The following ADARB1 variants were observed in gnomAD, a reference collection of about 807,000 sequenced individuals.
The protein encoded by ADARB1 is adenosine deaminase RNA specific B1.
A neutral mutation model predicts 52.4 loss-of-function variants in ADARB1; 10 were observed. That is an observed-to-expected ratio of 0.19 (90% CI 0.12 to 0.32). ADARB1 has a LOEUF of 0.32. Ranked by LOEUF, ADARB1 falls within the 10% of genes least tolerant of loss-of-function variation. The pLI, the probability that ADARB1 is intolerant of heterozygous loss-of-function variation, is 1.00. For synonymous variants in ADARB1, 349 were observed against 371.1 expected (o/e 0.94, Z 0.68); for missense variants, 643 against 922.3 (o/e 0.70, Z 3.92).
In ADARB1 at chr21:45,176,890, G is replaced by C. The variant is rs1310359082; in HGVS notation, c.963+226G>C. Among the ~76,000 whole-genome samples, 1 of 152,146 alleles carries C rather than the reference G, an allele frequency of 6.6e-6. No homozygotes were observed. The highest frequency in any genetic ancestry group is 1.5e-5 in the Non-Finnish European group (1 of 68,034). On this transcript the variant is annotated intron_variant, in intron 4 of 10. Transcript: ENST00000348831. The surrounding 1 kb of genome is among the most constrained non-coding windows in gnomAD (Gnocchi z 5.8). The stretch of plus-strand genomic sequence containing the variant: ...GCTGGGTCTGTCGCAATGCAAGGCA[G>C]GGACACCTGAGACCCCGTCCACCAG...
intron 1 of ADARB1, among the ~76,000 whole-genome samples, chr21:45,124,795 G>A (rs1221442401): frequency 2.7e-5 from 4 of 150,848 alleles, no homozygotes; most frequent in African/African-American, 9.8e-5. Context: ...GTATGTGTGT[G>A]TGTGTGTGTG....
chr21:45,155,626 G>A (rs383851), intron 2 of ADARB1, among the ~76,000 whole-genome samples: 14 of 142,420 alleles, frequency 9.8e-5, no homozygotes, highest in African/African-American at 3.4e-4. Flanking sequence ...ATCTACCCAT[G>A]CATCCATCAT....
chr21:45,160,277 C>T (rs540188475), intron 2 of ADARB1, among the ~76,000 whole-genome samples: 91 of 152,308 alleles, frequency 6.0e-4, no homozygotes, highest in Non-Finnish European at 1.1e-3. Flanking sequence ...AGAGCTGGAC[C>T]GAAGGAGGTG....
At chr21:45,094,898 A>C (rs2086696134) in intron 1 of ADARB1, among the ~76,000 whole-genome samples, 1 of 152,122 alleles carries the variant, frequency 6.6e-6, no homozygotes, top group Admixed American at 6.5e-5. Flanking sequence ...ACGCTCACTG[A>C]GAGGCGAGGT....
At chr21:45,109,223 G>A (rs1012803597) in intron 1 of ADARB1, among the ~76,000 whole-genome samples, 1 of 147,772 alleles carries the variant, frequency 6.8e-6, no homozygotes, top group Admixed American at 6.7e-5. Context: ...GTGTGTGCGC[G>A]CTTGTGTGTA....
chr21:45,181,511 C>G (rs149124286), intron 5 of ADARB1: 1 of 152,390 alleles, frequency 6.6e-6, no homozygotes, highest in Non-Finnish European at 1.5e-5. Context: ...TAGAATAGTT[C>G]CCTAGGTAAG....
At chr21:45,089,304 GC>G (rs1320299775) in intron 1 of ADARB1, among the ~76,000 whole-genome samples, 1 of 152,154 alleles carries the variant, frequency 6.6e-6, no homozygotes, top group Non-Finnish European at 1.5e-5. Context: ...CTTCCCATAA[GC>G]CTAAAATTTC....
chr21:45,094,598 C>G (rs140040657), intron 1 of ADARB1, among the ~76,000 whole-genome samples: 1 of 152,104 alleles, frequency 6.6e-6, no homozygotes, highest in Non-Finnish European at 1.5e-5. Context: ...TTTCTGCTCT[C>G]AAGGTTTCTA....
At chr21:45,144,619 A>G (rs746226968) in intron 2 of ADARB1, 1 of 450,930 alleles carries the variant, frequency 2.2e-6, no homozygotes, top group South Asian at 1.6e-5. Context: ...TTTCTCTTCA[A>G]TAATCCTAAA....
chr21:45,197,515 A>T (rs2092452390), intron 8 of ADARB1, among the ~76,000 whole-genome samples: 1 of 152,036 alleles, frequency 6.6e-6, no homozygotes, highest in South Asian at 2.1e-4. Context: ...AAAAAAAAAA[A>T]AGTTACAGAT....
chr21:45,143,186 C>G (rs558100766), intron 2 of ADARB1, among the ~76,000 whole-genome samples: 99 of 152,336 alleles, frequency 6.5e-4, no homozygotes, highest in Middle Eastern at 6.8e-3. Context: ...AACCTCCTGG[C>G]ACTGTGCTCC....
At chr21:45,147,995 G>C (rs1040953477) in intron 2 of ADARB1, among the ~76,000 whole-genome samples, 3 of 151,902 alleles carry the variant, frequency 2.0e-5, no homozygotes, top group African/African-American at 7.3e-5. Flanking sequence ...AGGGCCTTGC[G>C]GTACAGCCCT....
At chr21:45,138,924 T>TC (rs1393260835) in intron 2 of ADARB1, among the ~76,000 whole-genome samples, 105 of 142,728 alleles carry the variant, frequency 7.4e-4, no homozygotes, top group Non-Finnish European at 1.3e-3. Context: ...GTTGTCTTCT[T>TC]TTTTTTTTTT....
chr21:45,083,846 G>A (rs2086240080), intron 1 of ADARB1, among the ~76,000 whole-genome samples: 1 of 152,160 alleles, frequency 6.6e-6, no homozygotes, highest in African/African-American at 2.4e-5. Context: ...GGCTACAGGT[G>A]GATGCCACCA....
chr21:45,210,436 G>C (rs1178118811), intron 9 of ADARB1, among the ~76,000 whole-genome samples: 2 of 152,180 alleles, frequency 1.3e-5, no homozygotes, highest in African/African-American at 4.8e-5. Flanking sequence ...GCAGATGACT[G>C]TAATGCTACA....
intron 1 of ADARB1, among the ~76,000 whole-genome samples, chr21:45,107,635 CCATTTTGTAAAATACAT>C (rs2087317165): frequency 6.6e-6 from 1 of 151,940 alleles, no homozygotes; most frequent in Non-Finnish European, 1.5e-5. Flanking sequence ...CAATTGGACT[CCATTTTGTAAAATACAT>C]CATTAGGATT....
chr21:45,077,861 GATTCCTTCCTT>G (rs1362547284), intron 1 of ADARB1, among the ~76,000 whole-genome samples: 1 of 152,170 alleles, frequency 6.6e-6, no homozygotes, highest in Non-Finnish European at 1.5e-5. Context: ...AAATCATTAA[GATTCCTTCCTT>G]ATTCCTTGAG....
At chr21:45,098,366 G>A (rs2086856530) in intron 1 of ADARB1, among the ~76,000 whole-genome samples, 1 of 152,212 alleles carries the variant, frequency 6.6e-6, no homozygotes, top group South Asian at 2.1e-4. Context: ...GCTGCTCACA[G>A]CTTCCTAGAA....
rs1416327833 is a variant in ADARB1 at position 45,176,189 on chromosome 21, C to G, written c.488C>G (p.Thr163Arg). Residue 163 changes from threonine (T) to arginine (R), a missense_variant, in exon 4 of 11, where the codon ACG (threonine) becomes AGG (arginine). Coordinates refer to ENST00000348831, the MANE Select transcript of ADARB1 (RefSeq NM_001112.4). This position sits in a 1 kb window ranked among gnomAD's most constrained non-coding sequence, Gnocchi z 5.8. ...LAMGRTLSVN[T>R]DFTSDQADFP... is the part of the protein sequence containing the mutation. ...ATGGGGAGGACCCTGTCTGTCAACA[C>G]GGACTTCACATCTGACCAGGCCGAC... The G allele has an allele frequency of 1.4e-5, 22 of 1,614,210 alleles. No individual in the cohort carries two copies. The highest frequency in any genetic ancestry group is 1.9e-5 in the Non-Finnish European group (22 of 1,180,038).
Sources: allele counts gnomAD v4.1 joint callset (sites outside exome capture counted in the v4.1 genomes callset), GRCh38; gene constraint gnomAD v4.1.1; non-coding constraint Gnocchi (gnomAD v3.1); transcripts MANE v1.5; gene names NCBI Gene and HGNC (gene_info 2026-07-23, HGNC 2026-07-21).